The following DIS3L2 variants were observed in gnomAD, a reference collection of about 807,000 sequenced individuals.
The protein encoded by DIS3L2 is DIS3 like 3'-5' exoribonuclease 2.
In DIS3L2, 34 loss-of-function variants were observed where a neutral mutation model predicts 97.5. The ratio of observed to expected loss-of-function variants is 0.35; its 90% CI spans 0.27 to 0.46. The LOEUF (loss-of-function observed/expected upper bound fraction) is 0.46. Ranked by LOEUF, DIS3L2 falls within the 20% of genes least tolerant of loss-of-function variation. The pLI, the probability that DIS3L2 is intolerant of heterozygous loss-of-function variation, is 1.00. For missense variants in DIS3L2, 1,038 were observed against 1,146.0 expected, an observed-to-expected ratio of 0.91 and a Z score of 1.36; for synonymous variants, 435 against 445.2, an observed-to-expected ratio of 0.98 and a Z score of 0.29.
chr2:232,304,893 C>G (rs1694947566), intron 14 of DIS3L2, among the ~76,000 whole-genome samples: 2 of 152,094 alleles, frequency 1.3e-5, no homozygotes, highest in Admixed American at 1.3e-4. Context: ...TCTCTAATCT[C>G]TCCTTCTGGA....
At chr2:232,130,494 T>C in intron 6 of DIS3L2, 125 bp from the exon 7 acceptor site, 1 of 1,174,030 alleles carries the variant, frequency 8.5e-7, no homozygotes, top group Non-Finnish European at 1.2e-6. Flanking sequence ...CTGGGGTTCT[T>C]CTGTAAAGTG....
intron 3 of DIS3L2, among the ~76,000 whole-genome samples, chr2:232,020,824 C>T (rs1386016651): frequency 2.6e-5 from 4 of 151,988 alleles, no homozygotes; most frequent in African/African-American, 9.7e-5. Context: ...ATTAGCTGAT[C>T]GATATAAAGC....
intron 16 of DIS3L2, 84 bp from the exon 17 acceptor site, chr2:232,333,756 G>GATCT: frequency 2.2e-5 from 32 of 1,487,160 alleles, no homozygotes; most frequent in South Asian, 1.4e-4. Context: ...CGCTGCCGAC[G>GATCT]GTGAGGCTGT....
chr2:232,248,199 A>G (rs1409289165), intron 11 of DIS3L2, among the ~76,000 whole-genome samples: 1 of 148,984 alleles, frequency 6.7e-6, no homozygotes, highest in Non-Finnish European at 1.5e-5. Flanking sequence ...AAAGAAACAT[A>G]GTTTGCTGAA....
At chr2:232,078,909 G>A (rs902859018) in intron 5 of DIS3L2, among the ~76,000 whole-genome samples, 3 of 152,164 alleles carry the variant, frequency 2.0e-5, no homozygotes, top group South Asian at 2.1e-4. Flanking sequence ...ATTATGTGGT[G>A]GATTTTGGAT....
intron 13 of DIS3L2, among the ~76,000 whole-genome samples, chr2:232,282,683 C>T (rs145888034): frequency 2.6e-5 from 4 of 152,330 alleles, no homozygotes; most frequent in African/African-American, 4.8e-5. Context: ...CCATGCAGCA[C>T]CTAATTCAAT....
chr2:232,276,441 C>A lies in DIS3L2; in HGVS notation c.1659+13001C>A, dbSNP rs1694141653. Among the ~76,000 whole-genome samples, 1 of 150,388 alleles carries A rather than the reference C, an allele frequency of 6.6e-6. No homozygotes were observed. The highest frequency in any genetic ancestry group is 1.5e-5 in the Non-Finnish European group (1 of 66,830). ...GAGGGGAGCAGAGCTCCTATCTTTC[C>A]TGGACCCTCCTGGCTGCCTAGTTTC... is the stretch of plus-strand genomic sequence containing the variant. On this transcript the variant is annotated intron_variant, in intron 13 of 20. Transcript: ENST00000325385. This position sits in a 1 kb window ranked among gnomAD's most constrained non-coding sequence, Gnocchi z 4.4.
At chr2:232,302,331 A>G (rs1347109279) in intron 14 of DIS3L2, among the ~76,000 whole-genome samples, 1 of 152,046 alleles carries the variant, frequency 6.6e-6, no homozygotes, top group Non-Finnish European at 1.5e-5. Flanking sequence ...GCACATGTAT[A>G]CATATGTAAC....
intron 13 of DIS3L2, among the ~76,000 whole-genome samples, chr2:232,274,649 A>T (rs1694093460): frequency 1.3e-5 from 2 of 152,188 alleles, no homozygotes; most frequent in South Asian, 4.1e-4. Flanking sequence ...CTTGCCACTC[A>T]AGAGCCTGCA....
intron 13 of DIS3L2, among the ~76,000 whole-genome samples, chr2:232,270,573 G>A (rs978288820): frequency 6.6e-6 from 1 of 151,816 alleles, no homozygotes; most frequent in Admixed American, 6.6e-5. Context: ...GATTTTTTTG[G>A]TACTACAAAT....
At chr2:232,095,276 G>A (rs1279885552) in intron 6 of DIS3L2, among the ~76,000 whole-genome samples, 1 of 152,006 alleles carries the variant, frequency 6.6e-6, no homozygotes, top group East Asian at 1.9e-4. Context: ...TTTTTCTCTG[G>A]TAATATGATA....
chr2:232,215,080 G>A (rs1692295631), intron 10 of DIS3L2, among the ~76,000 whole-genome samples: 1 of 152,168 alleles, frequency 6.6e-6, no homozygotes, highest in Non-Finnish European at 1.5e-5. Flanking sequence ...AAAACCACTA[G>A]GGGAAAAGGA....
intron 6 of DIS3L2, among the ~76,000 whole-genome samples, chr2:232,109,395 T>G (rs1268157859): frequency 6.6e-6 from 1 of 151,946 alleles, no homozygotes; most frequent in Non-Finnish European, 1.5e-5. Flanking sequence ...GAGCCGAGAT[T>G]GCACCACTAC....
At chr2:232,081,605 G>C (rs957017602) in intron 5 of DIS3L2, among the ~76,000 whole-genome samples, 2 of 152,010 alleles carry the variant, frequency 1.3e-5, no homozygotes, top group Non-Finnish European at 2.9e-5. Flanking sequence ...GAATAAATGC[G>C]TAGAATTCTC....
chr2:232,126,637 A>G (rs756308120), intron 6 of DIS3L2, among the ~76,000 whole-genome samples: 5 of 152,224 alleles, frequency 3.3e-5, no homozygotes, highest in Non-Finnish European at 7.3e-5. Context: ...CCTAAAATGT[A>G]GACATGCAGG....
intron 1 of DIS3L2, among the ~76,000 whole-genome samples, chr2:231,974,630 T>C (rs554764743): frequency 6.6e-6 from 1 of 151,878 alleles, no homozygotes; most frequent in African/African-American, 2.4e-5. Flanking sequence ...TTTAAAAAAA[T>C]TTTTTTACAT....
chr2:232,298,872 A>T (rs1470328091), intron 13 of DIS3L2, among the ~76,000 whole-genome samples: 2 of 152,232 alleles, frequency 1.3e-5, no homozygotes, highest in African/African-American at 4.8e-5. Context: ...TTGGAAGTTC[A>T]GCACTCACCT....
chr2:232,088,171 C>G (rs562240307), intron 6 of DIS3L2, among the ~76,000 whole-genome samples: 53 of 145,478 alleles, frequency 3.6e-4, no homozygotes, highest in African/African-American at 1.2e-3. Flanking sequence ...GAGGCCGAGG[C>G]GGGCGGATCA....
rs973108941 is a variant in DIS3L2 at position 231,974,047 on chromosome 2, AATAT to A, written c.-94+12292_-94+12295del. Among the ~76,000 whole-genome samples the A allele has an allele frequency of 2.3e-4, 35 of 151,910 alleles. 1 individual carries two copies. Among genetic ancestry groups the A allele is most frequent in the African/African-American group, 8.0e-4 (33 of 41,356 alleles). The stretch of plus-strand genomic sequence containing the variant: ...CCCATGTTCCTAATACAGTTAAAAA[AATAT>A]ATATATATACTTTAACCTTTTTCCT... On this transcript the variant is annotated intron_variant, in intron 1 of 20. Transcript: ENST00000325385.
Sources: allele counts gnomAD v4.1 joint callset (sites outside exome capture counted in the v4.1 genomes callset), GRCh38; gene constraint gnomAD v4.1.1; non-coding constraint Gnocchi (gnomAD v3.1); transcripts MANE v1.5; gene names NCBI Gene and HGNC (gene_info 2026-07-23, HGNC 2026-07-21).